Variants in KIAA0319L observed in about 807,000 individuals in gnomAD.
KIAA0319L encodes the protein KIAA0319 like.
In KIAA0319L, 55 loss-of-function variants were observed where a neutral mutation model predicts 120.1. That is an observed-to-expected ratio of 0.46 (90% CI 0.37 to 0.57). KIAA0319L has a LOEUF of 0.57. KIAA0319L is among the 20% of genes least tolerant of loss of function. The probability of loss-of-function intolerance (pLI) is 0.00; values close to 1 mark genes in which losing one functional copy is unlikely to be tolerated. For missense variants in KIAA0319L, 1,049 were observed against 1,255.3 expected (o/e 0.84, Z 2.48); for synonymous variants, 398 against 471.9 (o/e 0.84, Z 2.03).
intron 2 of KIAA0319L, among the ~76,000 whole-genome samples, chr1:35,531,515 T>C (rs1008381676): frequency 6.6e-6 from 1 of 152,156 alleles, no homozygotes; most frequent in African/African-American, 2.4e-5. Flanking sequence ...GGGGGATGCG[T>C]GGGACTCAGT....
intron 4 of KIAA0319L, among the ~76,000 whole-genome samples, chr1:35,475,360 T>G (rs1212925337): frequency 2.0e-5 from 3 of 152,204 alleles, no homozygotes; most frequent in Non-Finnish European, 4.4e-5. Context: ...AATAACTTTC[T>G]AATAAGATAC....
At chr1:35,435,923 G>C (rs910041858) in intron 20 of KIAA0319L, among the ~76,000 whole-genome samples, 2 of 152,200 alleles carry the variant, frequency 1.3e-5, no homozygotes, top group Non-Finnish European at 2.9e-5. Context: ...AGCAGGACTA[G>C]AGTGGGAGCT....
intron 2 of KIAA0319L, among the ~76,000 whole-genome samples, chr1:35,538,955 T>C (rs1646687770): frequency 6.6e-6 from 1 of 152,082 alleles, no homozygotes; most frequent in Non-Finnish European, 1.5e-5. Context: ...GCACGGAAAC[T>C]GGCGTTTCCT....
intron 3 of KIAA0319L, among the ~76,000 whole-genome samples, chr1:35,499,685 G>A (rs1198966317): frequency 6.7e-6 from 1 of 149,220 alleles, no homozygotes; most frequent in Admixed American, 6.7e-5. Context: ...GATTAGAGGA[G>A]AAAATGGGTA....
chr1:35,532,716 G>A (rs182891729), intron 2 of KIAA0319L, among the ~76,000 whole-genome samples: 35 of 152,242 alleles, frequency 2.3e-4, no homozygotes, highest in Middle Eastern at 3.4e-3. Flanking sequence ...TGCTCCCAGG[G>A]CCCAGGCAAA....
intron 2 of KIAA0319L, among the ~76,000 whole-genome samples, chr1:35,548,135 AC>A (rs1449824718): frequency 6.6e-6 from 1 of 151,674 alleles, no homozygotes; most frequent in Non-Finnish European, 1.5e-5. Flanking sequence ...AAAAAAAAAA[AC>A]TTCCTCTAAT....
intron 2 of KIAA0319L, among the ~76,000 whole-genome samples, chr1:35,527,691 G>A (rs1202740070): frequency 6.6e-6 from 1 of 152,054 alleles, no homozygotes; most frequent in East Asian, 1.9e-4. Flanking sequence ...TTCATGTATA[G>A]TTCATGTTCT....
At chr1:35,486,190 C>G (rs1259162287) in intron 3 of KIAA0319L, among the ~76,000 whole-genome samples, 1 of 151,768 alleles carries the variant, frequency 6.6e-6, no homozygotes, top group Non-Finnish European at 1.5e-5. Context: ...TTTCAAGAAC[C>G]TAGGCAACAT....
chr1:35,487,524 G>A (rs1401433665), intron 3 of KIAA0319L, among the ~76,000 whole-genome samples: 3 of 152,166 alleles, frequency 2.0e-5, no homozygotes, highest in African/African-American at 7.2e-5. Flanking sequence ...CAAAGTGCTG[G>A]CGTAAGGCAC....
intron 1 of KIAA0319L, chr1:35,556,728 T>C (rs978318318): frequency 2.0e-5 from 3 of 152,238 alleles, no homozygotes; most frequent in Non-Finnish European, 4.4e-5. Context: ...CATTTCACCT[T>C]TGTGCTCACT....
At chr1:35,508,625 G>A (rs1225352795) in intron 2 of KIAA0319L, among the ~76,000 whole-genome samples, 1 of 149,710 alleles carries the variant, frequency 6.7e-6, no homozygotes, top group African/African-American at 2.5e-5. Flanking sequence ...TACCAACTAC[G>A]AAAAAAAAAT....
chr1:35,539,378 G>A (rs1337393539), intron 2 of KIAA0319L, among the ~76,000 whole-genome samples: 1 of 152,202 alleles, frequency 6.6e-6, no homozygotes, highest in Non-Finnish European at 1.5e-5. Context: ...CAGGTCAGGG[G>A]CCAACTCCTC....
intron 6 of KIAA0319L, among the ~76,000 whole-genome samples, chr1:35,469,596 TTGAGG>T (rs1177990891): frequency 6.6e-6 from 1 of 151,612 alleles, no homozygotes; most frequent in African/African-American, 2.4e-5. Flanking sequence ...CTTCTTCTGC[TTGAGG>T]TATTATCCCT....
chr1:35,483,353 T>G (rs1369636084), intron 3 of KIAA0319L, among the ~76,000 whole-genome samples: 1 of 152,236 alleles, frequency 6.6e-6, no homozygotes, highest in African/African-American at 2.4e-5. Flanking sequence ...TGGGTTCTCT[T>G]CCATAAGTTT....
chr1:35,494,857 T>C (rs575868936), intron 3 of KIAA0319L, among the ~76,000 whole-genome samples: 1 of 151,466 alleles, frequency 6.6e-6, no homozygotes, highest in Admixed American at 6.6e-5. Context: ...CTCATGTCAA[T>C]ATAGGCAAAC....
intron 3 of KIAA0319L, among the ~76,000 whole-genome samples, chr1:35,504,231 C>A (rs1202525547): frequency 6.9e-6 from 1 of 145,554 alleles, no homozygotes; most frequent in Non-Finnish European, 1.5e-5. Context: ...GAGTCTTACT[C>A]TGTTGCCCAG....
At chr1:35,493,634 C>T (rs1240315005) in intron 3 of KIAA0319L, among the ~76,000 whole-genome samples, 1 of 151,902 alleles carries the variant, frequency 6.6e-6, no homozygotes, top group Non-Finnish European at 1.5e-5. Flanking sequence ...AGGTGGATCG[C>T]TTAAACTCAG....
chr1:35,512,431 G>C (rs763156343), intron 2 of KIAA0319L, among the ~76,000 whole-genome samples: 2 of 149,228 alleles, frequency 1.3e-5, no homozygotes, highest in African/African-American at 2.5e-5. Flanking sequence ...AAATGATAAA[G>C]AGAAGAGTAA....
At chr1:35,502,184 T>C (rs980849117) in intron 3 of KIAA0319L, among the ~76,000 whole-genome samples, 3 of 144,800 alleles carry the variant, frequency 2.1e-5, no homozygotes, top group African/African-American at 7.7e-5. Flanking sequence ...GCTGAGGTAG[T>C]AAAATCACTT....
Sources: gnomAD v4.1 joint callset for allele counts (sites outside exome capture counted in the v4.1 genomes callset) on GRCh38, gnomAD v4.1.1 for gene constraint, MANE v1.5 for transcripts, NCBI Gene and HGNC (gene_info 2026-07-23, HGNC 2026-07-21) for gene names.